The following BMP6 variants were observed in gnomAD, a reference collection of about 807,000 sequenced individuals.
The protein encoded by BMP6 is bone morphogenetic protein 6, also known as VG-1-R.
Under a neutral mutation model 54.1 loss-of-function variants are expected in BMP6, and 17 were observed. That is an observed-to-expected ratio of 0.31 (90% CI 0.22 to 0.47). BMP6 has a LOEUF of 0.47. BMP6 is among the 20% of genes least tolerant of loss of function. BMP6 has a pLI of 1.00. For synonymous variants in BMP6, 328 were observed against 291.2 expected (o/e 1.13, Z -1.28); for missense variants, 720 against 690.4 (o/e 1.04, Z -0.48).
At chr6:7,752,924 C>T (rs1050957170) in intron 1 of BMP6, among the ~76,000 whole-genome samples, 1 of 152,080 alleles carries the variant, frequency 6.6e-6, no homozygotes, top group Non-Finnish European at 1.5e-5. Context: ...TAATAAACAC[C>T]TACACCTAGC....
intron 1 of BMP6, among the ~76,000 whole-genome samples, chr6:7,795,468 G>C (rs112499696): frequency 6.6e-6 from 1 of 152,200 alleles, no homozygotes; most frequent in Non-Finnish European, 1.5e-5. Context: ...GATCCCCAAG[G>C]CAGAGGGATG....
At chr6:7,751,496 T>C (rs1757425084) in intron 1 of BMP6, among the ~76,000 whole-genome samples, 1 of 152,240 alleles carries the variant, frequency 6.6e-6, no homozygotes, top group Admixed American at 6.5e-5. Context: ...ATACAATACC[T>C]AACAGTGCAG....
chr6:7,789,023 T>C (rs1758056886), intron 1 of BMP6, among the ~76,000 whole-genome samples: 1 of 152,218 alleles, frequency 6.6e-6, no homozygotes, highest in Admixed American at 6.5e-5. Flanking sequence ...TGTATGTGTT[T>C]AAGGTATACA....
chr6:7,805,473 G>A (rs920077486), intron 1 of BMP6, among the ~76,000 whole-genome samples: 1 of 152,132 alleles, frequency 6.6e-6, no homozygotes, highest in Non-Finnish European at 1.5e-5. Context: ...ATTCTTTGTG[G>A]TTTTCTATTA....
chr6:7,843,977 A>C (rs1027093912), intron 1 of BMP6, among the ~76,000 whole-genome samples: 1 of 152,248 alleles, frequency 6.6e-6, no homozygotes, highest in African/African-American at 2.4e-5. Context: ...ACATTATGAC[A>C]TGATTACCAC....
chr6:7,735,140 T>C (rs1581225450), intron 1 of BMP6, among the ~76,000 whole-genome samples: 2 of 152,368 alleles, frequency 1.3e-5, no homozygotes, highest in East Asian at 3.9e-4. Context: ...CGGAGCCCGC[T>C]CCACCCTGAC....
rs376562356 is a variant in BMP6, at chr6:7,727,592, G to T, written c.637G>T (p.Asp213Tyr). The T allele has an allele frequency of 2.5e-6, 4 of 1,577,806 alleles. No homozygotes were observed. The highest frequency in any genetic ancestry group is 2.3e-5 in the South Asian group (2 of 87,740). ...AQDSAFLNDA[D>Y]MVMSFVNLVE... ...GGACAGCGCCTTCCTCAACGACGCGGACATGGTCATGAGCTTTGTGAACCT... is the reference window on the plus strand; with the variant it reads ...GGACAGCGCCTTCCTCAACGACGCGTACATGGTCATGAGCTTTGTGAACCT... The change falls in exon 1 of 7, where the codon GAC (aspartate) becomes TAC (tyrosine). Residue 213 changes from aspartate (D) to tyrosine (Y), a missense_variant. By Grantham distance (160) the Asp-to-Tyr change is radical. Transcript: ENST00000283147.
intron 1 of BMP6, among the ~76,000 whole-genome samples, chr6:7,821,484 G>T (rs1368805849): frequency 6.6e-6 from 1 of 152,106 alleles, no homozygotes; most frequent in Non-Finnish European, 1.5e-5. Context: ...CGGGAGGGCA[G>T]CATCGTGAAA....
intron 3 of BMP6, among the ~76,000 whole-genome samples, chr6:7,861,956 ACTC>A (rs1238887372): frequency 6.6e-6 from 1 of 151,730 alleles, no homozygotes; most frequent in Non-Finnish European, 1.5e-5. Context: ...TGCAGTACCC[ACTC>A]CTCCTGCAGC....
intron 2 of BMP6, among the ~76,000 whole-genome samples, chr6:7,859,413 C>A (rs990156792): frequency 6.6e-6 from 1 of 152,016 alleles, no homozygotes; most frequent in African/African-American, 2.4e-5. Flanking sequence ...TCACGGGCCC[C>A]GCCTTGAGGG....
chr6:7,807,613 A>G, intron 1 of BMP6, among the ~76,000 whole-genome samples: 1 of 152,142 alleles, frequency 6.6e-6, no homozygotes. Flanking sequence ...TTGGGGCTCC[A>G]TCCCAGACCT....
In BMP6 at chr6:7,742,798, A is replaced by G. The variant is rs1757287904; in HGVS notation, c.664+15179A>G. On this transcript the variant is annotated intron_variant, in intron 1 of 6. Transcript: ENST00000283147. ...TCAAATCAGAGTAGGCGCATACAAG[A>G]TGTGATGTTTCTCTTTTTATAGACT... Among the ~76,000 whole-genome samples the G allele has an allele frequency of 2.6e-5, 4 of 152,130 alleles. No individual in the cohort carries two copies. The South Asian group carries it at 8.3e-4, about 32-fold the overall frequency.
At chr6:7,869,074 C>G (rs1040654211) in intron 4 of BMP6, among the ~76,000 whole-genome samples, 2 of 152,244 alleles carry the variant, frequency 1.3e-5, no homozygotes, top group African/African-American at 4.8e-5. Flanking sequence ...CAGGCGCACC[C>G]CCCCTGGGAG....
chr6:7,874,559 C>G (rs1759576681), intron 4 of BMP6, among the ~76,000 whole-genome samples: 1 of 152,048 alleles, frequency 6.6e-6, no homozygotes. Flanking sequence ...AGTTCAGGAC[C>G]AGCCTAGGCA....
chr6:7,827,229 C>A (rs1024753939), intron 1 of BMP6, among the ~76,000 whole-genome samples: 3 of 152,204 alleles, frequency 2.0e-5, no homozygotes, highest in African/African-American at 7.2e-5. Context: ...ACCCCGTCGC[C>A]CCCTGTGCGG....
chr6:7,857,103 G>A (rs1029084418), intron 2 of BMP6, among the ~76,000 whole-genome samples: 3 of 152,180 alleles, frequency 2.0e-5, no homozygotes, highest in South Asian at 2.1e-4. Context: ...GCCCAGTGGT[G>A]TATCACTGAT....
intron 1 of BMP6, among the ~76,000 whole-genome samples, chr6:7,772,064 C>CA (rs1446532902): frequency 4.1e-5 from 6 of 147,874 alleles, no homozygotes; most frequent in African/African-American, 7.4e-5. Flanking sequence ...AAAAAAAAAC[C>CA]AAAAAAACAA....
rs1269219161 is a variant in BMP6 at position 7,726,625 on chromosome 6, A to G, written c.-331A>G. On this transcript the variant is annotated 5_prime_UTR_variant, in exon 1 of 7. Coordinates refer to ENST00000283147, the MANE Select transcript of BMP6 (RefSeq NM_001718.6). Reference sequence around the variant, plus strand: ...GAGTGACCGCGCCGCGACTCGCAGGAGCCAGGGCGCAGGCTGCAGTGCAGC... The same window carrying G: ...GAGTGACCGCGCCGCGACTCGCAGGGGCCAGGGCGCAGGCTGCAGTGCAGC... Among the ~76,000 whole-genome samples the G allele has an allele frequency of 6.6e-6, 1 of 152,086 alleles. No individual in the cohort carries two copies. Among genetic ancestry groups the G allele is most frequent in the African/African-American group, 2.4e-5 (1 of 41,426 alleles).
chr6:7,847,136 G>A (rs1000242751), intron 2 of BMP6, among the ~76,000 whole-genome samples: 1 of 152,144 alleles, frequency 6.6e-6, no homozygotes, highest in African/African-American at 2.4e-5. Context: ...ATACTTCCTC[G>A]AGGCCAGCAG....
Sources: gnomAD v4.1 joint callset for allele counts (sites outside exome capture counted in the v4.1 genomes callset) on GRCh38, gnomAD v4.1.1 for gene constraint, MANE v1.5 for transcripts, NCBI Gene and HGNC (gene_info 2026-07-23, HGNC 2026-07-21) for gene names.